HMCN1: variants seen among roughly 807,000 people sequenced by gnomAD.
HMCN1 encodes the protein hemicentin-1.
A neutral mutation model predicts 625.9 loss-of-function variants in HMCN1; 321 were observed. The ratio of observed to expected loss-of-function variants is 0.51; its 90% confidence interval spans 0.47 to 0.56. HMCN1 has a LOEUF of 0.56. Ranked by LOEUF, HMCN1 falls within the 20% of genes least tolerant of loss-of-function variation. HMCN1 has a pLI of 0.00. For synonymous variants in HMCN1, 2,425 were observed against 2,417.6 expected (o/e 1.00, Z -0.09); for missense variants, 6,588 against 6,887.3 (o/e 0.96, Z 1.54).
chr1:185,913,389 C>T (rs187595578), intron 6 of HMCN1, among the ~76,000 whole-genome samples: 1 of 152,224 alleles, frequency 6.6e-6, no homozygotes, highest in African/African-American at 2.4e-5. Flanking sequence ...GTTATTTTGA[C>T]TAACTTGCCA....
intron 4 of HMCN1, among the ~76,000 whole-genome samples, chr1:185,907,766 G>A (rs77924866): frequency 2.0e-5 from 3 of 152,028 alleles, no homozygotes; most frequent in South Asian, 2.1e-4. Flanking sequence ...AACTAAGATC[G>A]TGTAAGTATG....
intron 21 of HMCN1, among the ~76,000 whole-genome samples, chr1:185,989,882 T>C (rs1254289983): frequency 6.6e-6 from 1 of 151,818 alleles, no homozygotes; most frequent in East Asian, 1.9e-4. Context: ...TTCGGAAAAA[T>C]TTTATGGTGT....
At chr1:186,007,415 T>C (rs536751224) in intron 30 of HMCN1, 133 bp downstream of exon 30, 5 of 789,114 alleles carry the variant, frequency 6.3e-6, no homozygotes, top group Non-Finnish European at 1.0e-5. Context: ...AAGAAGGAGC[T>C]TATCTTCATG....
At chr1:185,980,626 G>A (rs1651559844) in intron 16 of HMCN1, among the ~76,000 whole-genome samples, 1 of 152,148 alleles carries the variant, frequency 6.6e-6, no homozygotes, top group Non-Finnish European at 1.5e-5. Context: ...TGATGGTGCA[G>A]CTTTCCATTC....
At chr1:185,964,421 G>T (rs535060928) in intron 13 of HMCN1, among the ~76,000 whole-genome samples, 50 of 152,156 alleles carry the variant, frequency 3.3e-4, no homozygotes, top group African/African-American at 1.2e-3. Context: ...CTCAGATCCA[G>T]GTTATAAATC....
intron 6 of HMCN1, among the ~76,000 whole-genome samples, chr1:185,912,339 CT>C (rs951166252): frequency 1.3e-5 from 2 of 151,994 alleles, no homozygotes; most frequent in East Asian, 1.9e-4. Context: ...GCTGTGTTGG[CT>C]TTTTTTTATT....
chr1:186,053,958 A>G lies in HMCN1; in HGVS notation c.6834A>G (p.Ala2278=). ...SCVASNVAGT[A]KKEYNLQVYI... ...TGGCGTCGAATGTTGCTGGGACTGC[A>G]AAGAAAGAATACAATCTGCAAGTTT... The change falls in exon 44 of 107, where the codon GCA becomes GCG. Residue 2278 remains alanine (A), a synonymous_variant. Coordinates refer to ENST00000271588, the MANE Select transcript of HMCN1 (RefSeq NM_031935.3). The G allele has an allele frequency of 6.2e-7, 1 of 1,612,714 alleles. No homozygotes were observed. Among genetic ancestry groups the G allele is most frequent in the Non-Finnish European group, 8.5e-7 (1 of 1,179,170 alleles).
At chr1:185,902,831 A>G (rs139079328) in intron 4 of HMCN1, among the ~76,000 whole-genome samples, 137 of 151,816 alleles carry the variant, frequency 9.0e-4, no homozygotes, top group African/African-American at 3.2e-3. Flanking sequence ...ATGCATATGA[A>G]TGTATGTATC....
chr1:185,957,574 C>T (rs1179055990), intron 11 of HMCN1, among the ~76,000 whole-genome samples: 14 of 152,112 alleles, frequency 9.2e-5, no homozygotes, highest in Non-Finnish European at 1.5e-5. Flanking sequence ...GAGATCAACC[C>T]AGGAGTCCTT....
chr1:186,052,845 A>G lies in HMCN1; in HGVS notation c.6578-107A>G. The G allele has an allele frequency of 3.1e-6, 3 of 970,624 alleles. No homozygotes were observed. The South Asian group carries it at 4.2e-5, about 14-fold the overall frequency. The allele number at this position is 970,624 out of a possible 1,614,324, so 60.1% of individuals were successfully genotyped here. On this transcript the variant is annotated intron_variant, in intron 42 of 106. Coordinates refer to ENST00000271588, the MANE Select transcript of HMCN1 (RefSeq NM_031935.3). ...ATGTTGATGTCAACCTCATATGACA[A>G]TTTCTTCCTTATGTCATTTGAGTAG...
chr1:185,801,170 A>G (rs1034685434), intron 1 of HMCN1, among the ~76,000 whole-genome samples: 1 of 152,222 alleles, frequency 6.6e-6, no homozygotes, highest in Admixed American at 6.5e-5. Flanking sequence ...ATATAATGCT[A>G]CTATGAAAGA....
At chr1:185,752,843 T>C (rs1654903245) in intron 1 of HMCN1, among the ~76,000 whole-genome samples, 1 of 152,136 alleles carries the variant, frequency 6.6e-6, no homozygotes, top group Non-Finnish European at 1.5e-5. Context: ...TAGGCTAGCA[T>C]AACCCTGGTA....
intron 42 of HMCN1, among the ~76,000 whole-genome samples, chr1:186,051,997 T>C (rs1426378685): frequency 6.6e-6 from 1 of 151,952 alleles, no homozygotes; most frequent in Non-Finnish European, 1.5e-5. Context: ...GATCAATAAC[T>C]GAGTAGACAG....
chr1:185,954,748 T>C (rs944769223), intron 11 of HMCN1, among the ~76,000 whole-genome samples: 2 of 152,188 alleles, frequency 1.3e-5, no homozygotes, highest in African/African-American at 4.8e-5. Context: ...TTAGGATCTC[T>C]TTTCAGTAAT....
intron 14 of HMCN1, among the ~76,000 whole-genome samples, chr1:185,968,540 C>G (rs1045742809): frequency 1.3e-5 from 2 of 151,028 alleles, no homozygotes; most frequent in African/African-American, 4.9e-5. Flanking sequence ...ACCAGGGTCC[C>G]CATTAATTTT....
At chr1:186,140,737 A>T (rs1341291706) in intron 89 of HMCN1, among the ~76,000 whole-genome samples, 3 of 152,160 alleles carry the variant, frequency 2.0e-5, no homozygotes, top group East Asian at 3.9e-4. Flanking sequence ...TAACTCCATC[A>T]TTATCTTCCA....
At chr1:185,775,930 A>G (rs1271103996) in intron 1 of HMCN1, among the ~76,000 whole-genome samples, 1 of 152,174 alleles carries the variant, frequency 6.6e-6, no homozygotes, top group Non-Finnish European at 1.5e-5. Flanking sequence ...ACCCTATGGT[A>G]ATTGACAATG....
chr1:186,173,640 C>CA lies in HMCN1; in HGVS notation c.15815-859dup, dbSNP rs762258823. On this transcript the variant is annotated intron_variant, in intron 102 of 106. Coordinates refer to ENST00000271588, the MANE Select transcript of HMCN1 (RefSeq NM_031935.3). ...TGGGTGACAGAGCGAGACTCCATCT[C>CA]AAAAAAAAAAAAAAAGAAAAAAGAA... Among the ~76,000 whole-genome samples the CA allele has an allele frequency of 3.1e-3, 233 of 74,196 alleles. 4 individuals are homozygous for CA. The highest frequency in any genetic ancestry group is 7.6e-3 in the East Asian group (14 of 1,848). The allele number at this position is 74,196 out of a possible 152,430, so 48.7% of individuals were successfully genotyped here.
At chr1:186,069,615 A>C in intron 50 of HMCN1, 48 bp from the exon 51 acceptor site, 1 of 1,202,212 alleles carries the variant, frequency 8.3e-7, no homozygotes, top group East Asian at 2.3e-5. Context: ...TGTGTACTCC[A>C]CTGTCACTGT....
Sources: gnomAD v4.1 joint callset for allele counts (sites outside exome capture counted in the v4.1 genomes callset) on GRCh38, gnomAD v4.1.1 for gene constraint, MANE v1.5 for transcripts, NCBI Gene and HGNC (gene_info 2026-07-23, HGNC 2026-07-21) for gene names.